Variants in KIR3DL2 observed in about 807,000 individuals in gnomAD.
KIR3DL2 encodes killer cell immunoglobulin like receptor, three Ig domains and long cytoplasmic tail 2.
A neutral mutation model predicts 41.6 loss-of-function variants in KIR3DL2; 42 were observed. That is an observed-to-expected ratio of 1.01 (90% CI 0.79 to 1.31). The LOEUF (loss-of-function observed/expected upper bound fraction) is 1.31. KIR3DL2 is among the 50% of genes most tolerant of loss of function. The pLI, the probability that KIR3DL2 is intolerant of heterozygous loss-of-function variation, is 0.00. For synonymous variants in KIR3DL2, 230 were observed against 221.3 expected, an observed-to-expected ratio of 1.04 and a Z score of -0.35; for missense variants, 728 against 576.8, an observed-to-expected ratio of 1.26 and a Z score of -2.68.
Position 54,852,917 on chromosome 19 carries a change from G to A in KIR3DL2, c.355+635G>A, listed in dbSNP as rs369059949. ...TTTTCTGCAGCAGCAACAGGAAACC[G>A]ACACAGGAACCCAGGTCAAGGACAA... is the stretch of plus-strand genomic sequence containing the variant. On this transcript the variant is annotated intron_variant, in intron 3 of 8. Coordinates refer to ENST00000326321, the MANE Select transcript of KIR3DL2 (RefSeq NM_006737.4). Among the ~76,000 whole-genome samples, 141 of 139,008 alleles carry A rather than the reference G, an allele frequency of 1.0e-3. 1 individual carries two copies. The highest frequency in any genetic ancestry group is 5.0e-3 in the South Asian group (20 of 4,006). 91.2% of individuals were successfully genotyped at this position (139,008 alleles called of 152,430 possible).
chr19:54,852,037 C>A lies in KIR3DL2; in HGVS notation c.110C>A (p.Thr37Asn). 1 of 1,611,938 alleles carries A rather than the reference C, an allele frequency of 6.2e-7. No individual in the cohort carries two copies. The highest frequency in any genetic ancestry group is 1.1e-5 in the South Asian group (1 of 91,062). Residue 37 changes from threonine to asparagine, a missense_variant, in exon 3 of 9, where the codon ACT becomes AAT. By Grantham distance (65) the Thr-to-Asn change is moderately conservative (BLOSUM62 0). Coordinates refer to ENST00000326321, the MANE Select transcript of KIR3DL2 (RefSeq NM_006737.4). ...CCCTTCCTGTCTGCCCGGCCCAGCA[C>A]TGTGGTGCCTCGAGGAGGACACGTG... is the stretch of plus-strand genomic sequence containing the variant. ...DKPFLSARPSTVVPRGGHVAL... is the reference protein window; with the variant it reads ...DKPFLSARPSNVVPRGGHVAL...
At position 54,866,679 on chromosome 19, in the gene KIR3DL2, A is replaced by G. The variant is rs2065552435; in HGVS notation, c.1316A>G (p.Lys439Arg). ...TELPNAEPRS[K>R]VVSCPRAPQS... Reference sequence around the variant, plus strand: ...CTTCCAAATGCTGAGCCCAGATCCAAAGTTGTCTCCTGCCCACGAGCACCA... The same window carrying G: ...CTTCCAAATGCTGAGCCCAGATCCAGAGTTGTCTCCTGCCCACGAGCACCA... The change falls in exon 9 of 9, where the codon AAA becomes AGA. Residue 439 changes from lysine to arginine, a missense_variant. Physicochemically the swap from Lys to Arg is conservative, Grantham distance 26. Transcript: ENST00000326321. The G allele has an allele frequency of 6.2e-7, 1 of 1,613,858 alleles. No individual in the cohort carries two copies. Among genetic ancestry groups the G allele is most frequent in the Admixed American group, 1.7e-5 (1 of 60,008 alleles).
rs750495625 is a variant in KIR3DL2, at chr19:54,866,682, T to C, written c.1319T>C (p.Val440Ala). Reference protein sequence around the residue: ...ELPNAEPRSKVVSCPRAPQSG... With the variant: ...ELPNAEPRSKAVSCPRAPQSG... Reference sequence around the variant, plus strand: ...CCAAATGCTGAGCCCAGATCCAAAGTTGTCTCCTGCCCACGAGCACCACAG... The same window carrying C: ...CCAAATGCTGAGCCCAGATCCAAAGCTGTCTCCTGCCCACGAGCACCACAG... Residue 440 changes from valine to alanine, a missense_variant, in exon 9 of 9, where the codon GTT becomes GCT. By Grantham distance (64) the Val-to-Ala change is moderately conservative. Transcript: ENST00000326321. 3.7e-6 allele frequency: 6 copies of C among 1,613,866 alleles called. No homozygotes were observed. Among genetic ancestry groups the C allele is most frequent in the South Asian group, 1.1e-5 (1 of 91,072 alleles).
At chr19:54,857,773 C>T (rs1365653710) in intron 5 of KIR3DL2, among the ~76,000 whole-genome samples, 1 of 151,450 alleles carries the variant, frequency 6.6e-6, no homozygotes, top group Non-Finnish European at 1.5e-5. Flanking sequence ...GCTGGTCTCC[C>T]GACCTCAGGT....
Position 54,855,755 on chromosome 19 carries a change from T to C in KIR3DL2, c.792T>C (p.Arg264=), listed in dbSNP as rs1448015560. The C allele has an allele frequency of 1.2e-6, 2 of 1,613,348 alleles. No individual in the cohort carries two copies. The highest frequency in any genetic ancestry group is 1.3e-5 in the African/African-American group (1 of 74,452). The change falls in exon 5 of 9, where the codon CGT becomes CGC. Residue 264 remains arginine, a synonymous_variant. Transcript: ENST00000326321. Reference sequence around the variant, plus strand: ...CCAGGGAAGGGGAGGCCCATGAACGTAGGCTCCGTGCAGTGCCCAAGGTCA... The same window carrying C: ...CCAGGGAAGGGGAGGCCCATGAACGCAGGCTCCGTGCAGTGCCCAAGGTCA... ...HLSREGEAHE[R]RLRAVPKVNR...
At chr19:54,865,746 C>A in intron 6 of KIR3DL2, 59 bp from the exon 7 acceptor site, 1 of 1,405,898 alleles carries the variant, frequency 7.1e-7, no homozygotes, top group Non-Finnish European at 1.0e-6. Flanking sequence ...AGAAATGAGA[C>A]AATCCATAAA....
intron 5 of KIR3DL2, among the ~76,000 whole-genome samples, chr19:54,858,156 A>G (rs1488931138): frequency 6.6e-6 from 1 of 151,184 alleles, no homozygotes; most frequent in Non-Finnish European, 1.5e-5. Context: ...GGTTTGATGT[A>G]ATCCTAATGG....
Position 54,853,285 on chromosome 19 carries a change from G to T in KIR3DL2, c.356-462G>T, listed in dbSNP as rs535362321. The stretch of plus-strand genomic sequence containing the variant: ...TATGGAAGCTGGGGCCATGGAGAAG[G>T]CACAGACATGGCAGGAGAGGCTCCC... On this transcript the variant is annotated intron_variant, in intron 3 of 8. Transcript: ENST00000326321. Among the ~76,000 whole-genome samples, 25 of 151,762 alleles carry T rather than the reference G, an allele frequency of 1.6e-4. No individual in the cohort carries two copies. The South Asian group carries it at 4.4e-3, about 26-fold the overall frequency.
At position 54,855,819 on chromosome 19, in the gene KIR3DL2, A is replaced by G; in HGVS notation, c.856A>G (p.Thr286Ala). 1 of 1,613,452 alleles carries G rather than the reference A, an allele frequency of 6.2e-7. No individual in the cohort carries two copies. Among genetic ancestry groups the G allele is most frequent in the South Asian group, 1.1e-5 (1 of 91,078 alleles). ...FQADFPLGPA[T>A]HGGTYRCFGS... Reference sequence around the variant, plus strand: ...GGCAGACTTTCCTCTGGGCCCTGCCACCCACGGAGGGACCTACAGATGCTT... The same window carrying G: ...GGCAGACTTTCCTCTGGGCCCTGCCGCCCACGGAGGGACCTACAGATGCTT... The change falls in exon 5 of 9, where the codon ACC becomes GCC. Residue 286 changes from threonine (T) to alanine (A), a missense_variant. Coordinates refer to ENST00000326321, the MANE Select transcript of KIR3DL2 (RefSeq NM_006737.4).
At chr19:54,854,195 G>C in intron 4 of KIR3DL2, 149 bp downstream of exon 4, 1 of 1,015,608 alleles carries the variant, frequency 9.8e-7, no homozygotes, top group Non-Finnish European at 1.5e-6. Context: ...AACAGAGACA[G>C]GGAAACAGGA....
At chr19:54,865,574 T>C (rs572991345) in intron 6 of KIR3DL2, among the ~76,000 whole-genome samples, 3 of 152,198 alleles carry the variant, frequency 2.0e-5, no homozygotes, top group Admixed American at 2.0e-4. Flanking sequence ...TATTTCAGTG[T>C]GAGGTTTCAA....
In KIR3DL2 at chr19:54,855,750, G is replaced by T; in HGVS notation, c.787G>T (p.Glu263Ter). 1 of 1,613,556 alleles carries T rather than the reference G, an allele frequency of 6.2e-7. No individual in the cohort carries two copies. Among genetic ancestry groups the T allele is most frequent in the African/African-American group, 1.3e-5 (1 of 74,592 alleles). The part of the protein sequence containing the change: ...YHLSREGEAH[E>*]RRLRAVPKVN... ...TCTGTCCAGGGAAGGGGAGGCCCAT[G>T]AACGTAGGCTCCGTGCAGTGCCCAA... The change falls in exon 5 of 9, where the codon GAA becomes TAA. Residue 263 changes from glutamate to a stop codon, truncating the protein, a stop_gained. Transcript: ENST00000326321. LOFTEE classifies it high-confidence loss of function.
At chr19:54,852,644 G>A (rs913006335) in intron 3 of KIR3DL2, among the ~76,000 whole-genome samples, 10 of 151,152 alleles carry the variant, frequency 6.6e-5, no homozygotes, top group Admixed American at 1.3e-4. Context: ...GTGGGGATTA[G>A]AGCAGTGTAG....
At position 54,855,627 on chromosome 19, in the gene KIR3DL2, G is replaced by A. The variant is rs1330766941; in HGVS notation, c.664G>A (p.Glu222Lys). The A allele has an allele frequency of 6.2e-7, 1 of 1,612,930 alleles. No individual in the cohort carries two copies. Among genetic ancestry groups the A allele is most frequent in the African/African-American group, 1.3e-5 (1 of 74,476 alleles). ...GCCTCTTCTCCTTCCAGGTCTATAT[G>A]AGAAACCTTCTCTCTCAGCCCAGCC... ...PLDIVITGLY[E>K]KPSLSAQPGP... Residue 222 changes from glutamate to lysine, a missense_variant, in exon 5 of 9, where the codon GAG becomes AAG. Transcript: ENST00000326321.
At chr19:54,856,200 C>G (rs1328689886) in intron 5 of KIR3DL2, among the ~76,000 whole-genome samples, 2 of 151,408 alleles carry the variant, frequency 1.3e-5, no homozygotes, top group East Asian at 3.9e-4. Context: ...ATCAGAGGTT[C>G]CCTCAGCCCC....
intron 3 of KIR3DL2, among the ~76,000 whole-genome samples, chr19:54,853,533 G>C (rs1281218856): frequency 6.6e-6 from 1 of 151,754 alleles, no homozygotes; most frequent in South Asian, 2.1e-4. Context: ...CAGTGGGAAG[G>C]GAGTCAGGGG....
At chr19:54,855,240 G>A (rs1365088936) in intron 4 of KIR3DL2, among the ~76,000 whole-genome samples, 4 of 151,206 alleles carry the variant, frequency 2.6e-5, no homozygotes, top group Non-Finnish European at 5.9e-5. Flanking sequence ...AGATATAGAT[G>A]ACAGATAATT....
At chr19:54,855,970 C>A (rs970593648) in intron 5 of KIR3DL2, 58 bp downstream of exon 5, 175 of 1,581,678 alleles carry the variant, frequency 1.1e-4, no homozygotes, top group Non-Finnish European at 1.5e-4. Flanking sequence ...AGCTGAGGAG[C>A]TTCCTGCCGA....
intron 3 of KIR3DL2, 25 bp downstream of exon 3, chr19:54,852,307 C>G: frequency 6.3e-7 from 1 of 1,598,144 alleles, no homozygotes; most frequent in Non-Finnish European, 8.5e-7. Context: ...GTCTGGGCTT[C>G]TCACTGTCCC....
Sources: gnomAD v4.1 joint callset for allele counts (sites outside exome capture counted in the v4.1 genomes callset) on GRCh38, gnomAD v4.1.1 for gene constraint, MANE v1.5 for transcripts, NCBI Gene and HGNC (gene_info 2026-07-23, HGNC 2026-07-21) for gene names.